Variants in NEK11 observed in about 807,000 individuals in gnomAD.
The protein encoded by NEK11 is serine/threonine-protein kinase Nek11.
In NEK11, 72 loss-of-function variants were observed where a neutral mutation model predicts 80.7. The ratio of observed to expected loss-of-function variants is 0.89; its 90% CI spans 0.74 to 1.08. The LOEUF is 1.08. NEK11 is among the 50% of genes least tolerant of loss of function. NEK11 has a pLI of 0.00. For synonymous variants in NEK11, 251 were observed against 260.7 expected, an observed-to-expected ratio of 0.96 and a Z score of 0.36; for missense variants, 764 against 763.6, an observed-to-expected ratio of 1.00 and a Z score of -0.01.
intron 12 of NEK11, 64 bp from the exon 13 acceptor site, chr3:131,168,766 C>G: frequency 8.4e-7 from 1 of 1,193,352 alleles, no homozygotes; most frequent in Non-Finnish European, 1.2e-6. Context: ...AGCAGCACTT[C>G]ACCTCTAGAT....
chr3:131,302,496 A>G (rs1221381036), intron 17 of NEK11, among the ~76,000 whole-genome samples: 1 of 152,146 alleles, frequency 6.6e-6, no homozygotes, highest in Non-Finnish European at 1.5e-5. Context: ...TAGCACTATA[A>G]ACTTTCCTCT....
intron 17 of NEK11, among the ~76,000 whole-genome samples, chr3:131,302,412 C>T (rs1287767619): frequency 6.6e-6 from 1 of 151,946 alleles, no homozygotes; most frequent in East Asian, 1.9e-4. Flanking sequence ...GTTGGTTTGC[C>T]TCTTGTTTTT....
At chr3:131,144,685 T>C (rs1339901641) in intron 7 of NEK11, among the ~76,000 whole-genome samples, 1 of 152,174 alleles carries the variant, frequency 6.6e-6, no homozygotes, top group African/African-American at 2.4e-5. Flanking sequence ...TACCTTTGAA[T>C]ATCTAGGTAG....
chr3:131,029,943 T>G lies in NEK11; in HGVS notation c.170+65T>G. 5 of 1,493,032 alleles carry G rather than the reference T, an allele frequency of 3.3e-6. No homozygotes were observed. In the South Asian group the frequency reaches 5.7e-5, roughly 17 times the overall value. 92.5% of individuals were successfully genotyped at this position (1,493,032 alleles called of 1,614,324 possible). On this transcript the variant is annotated intron_variant, in intron 3 of 17. Coordinates refer to ENST00000383366, the MANE Select transcript of NEK11 (RefSeq NM_024800.5). ...TTTTTGTTTGCAGGTCTTAGCTGAT[T>G]AGGAACATGGAGCAGGCCAGGTATG...
chr3:131,302,643 C>A (rs1233429878), intron 17 of NEK11, among the ~76,000 whole-genome samples: 2 of 152,144 alleles, frequency 1.3e-5, no homozygotes, highest in East Asian at 3.8e-4. Context: ...GTTTAATTTT[C>A]ATGCACTTAT....
intron 4 of NEK11, among the ~76,000 whole-genome samples, chr3:131,103,602 C>T (rs2078721908): frequency 6.6e-6 from 1 of 152,162 alleles, no homozygotes; most frequent in African/African-American, 2.4e-5. Flanking sequence ...ACTGCATTTA[C>T]TCCTGGGCCT....
rs1166227144 is a variant in NEK11, at chr3:131,154,947, C to A, written c.877-89C>A. ...GGCTCCCTGCCATGGTCAAAAGCAC[C>A]CCAAATCTGAAAAGATTCTTGGTAA... is the stretch of plus-strand genomic sequence containing the variant. On this transcript the variant is annotated intron_variant, in intron 9 of 17. Coordinates refer to ENST00000383366, the MANE Select transcript of NEK11 (RefSeq NM_024800.5). The A allele has an allele frequency of 7.6e-6, 6 of 791,202 alleles. No individual in the cohort carries two copies. In the African/African-American group the frequency reaches 8.6e-5, roughly 11 times the overall value. The allele number at this position is 791,202 out of a possible 1,614,324, so 49.0% of individuals were successfully genotyped here.
chr3:131,220,070 A>G (rs553193005), intron 14 of NEK11, among the ~76,000 whole-genome samples: 2 of 152,204 alleles, frequency 1.3e-5, no homozygotes, highest in Admixed American at 6.6e-5. Flanking sequence ...CAGAAGCAGC[A>G]GATGTCACCA....
chr3:131,050,536 C>G (rs953186106), intron 3 of NEK11, among the ~76,000 whole-genome samples: 2 of 152,144 alleles, frequency 1.3e-5, no homozygotes, highest in Admixed American at 6.5e-5. Flanking sequence ...AGGAGGTAGA[C>G]AAGGACATAA....
At chr3:131,096,687 T>C (rs1469161851) in intron 4 of NEK11, among the ~76,000 whole-genome samples, 1 of 152,102 alleles carries the variant, frequency 6.6e-6, no homozygotes, top group Non-Finnish European at 1.5e-5. Flanking sequence ...CTTGCCATTA[T>C]CTGTTGTTTT....
At chr3:131,220,174 T>A (rs776533631) in intron 14 of NEK11, among the ~76,000 whole-genome samples, 1 of 152,196 alleles carries the variant, frequency 6.6e-6, no homozygotes, top group Non-Finnish European at 1.5e-5. Context: ...AAAATGGAGC[T>A]TCTGGGGGAA....
At chr3:131,298,014 T>G (rs1003572722) in intron 17 of NEK11, among the ~76,000 whole-genome samples, 1 of 152,158 alleles carries the variant, frequency 6.6e-6, no homozygotes, top group African/African-American at 2.4e-5. Context: ...TTCTGTTCCA[T>G]TGATCTATAT....
chr3:131,260,561 T>C (rs2095898314), intron 16 of NEK11, among the ~76,000 whole-genome samples: 1 of 152,194 alleles, frequency 6.6e-6, no homozygotes, highest in African/African-American at 2.4e-5. Flanking sequence ...GCTATTTTCA[T>C]GCTACTGAAG....
At chr3:131,150,556 G>A (rs1191199315) in intron 7 of NEK11, among the ~76,000 whole-genome samples, 1 of 151,808 alleles carries the variant, frequency 6.6e-6, no homozygotes, top group African/African-American at 2.4e-5. Context: ...TGTTTGTATG[G>A]TTTTTCTATC....
chr3:131,094,199 G>A (rs1668328287), intron 4 of NEK11, among the ~76,000 whole-genome samples: 1 of 151,282 alleles, frequency 6.6e-6, no homozygotes, highest in Non-Finnish European at 1.5e-5. Flanking sequence ...GTCTTTCTCT[G>A]GTGTTGCTTC....
intron 3 of NEK11, among the ~76,000 whole-genome samples, chr3:131,078,873 C>CTT (rs769791475): frequency 6.5e-5 from 9 of 139,086 alleles, no homozygotes; most frequent in African/African-American, 1.6e-4. Flanking sequence ...ACTCCTTCAT[C>CTT]TTTTTTTTTT....
intron 14 of NEK11, among the ~76,000 whole-genome samples, chr3:131,186,578 T>C (rs1481344643): frequency 1.3e-5 from 2 of 152,194 alleles, no homozygotes; most frequent in African/African-American, 2.4e-5. Flanking sequence ...CAAAGTTCTT[T>C]CCTTAGAAGA....
In NEK11 at chr3:131,230,079, C is replaced by CA. The variant is rs568046333; in HGVS notation, c.1560+1395dup. Among the ~76,000 whole-genome samples the CA allele has an allele frequency of 2.2e-4, 34 of 152,132 alleles. 1 individual carries two copies. In the South Asian group the frequency reaches 6.6e-3, roughly 30 times the overall value. On this transcript the variant is annotated intron_variant, in intron 15 of 17. Transcript: ENST00000383366. ...AGCCTTCATTCTGGGCCTATGGTTG[C>CA]AAAACACATGATATGCAAAATACAT...
chr3:131,154,834 A>G (rs570812313), intron 9 of NEK11: 3 of 527,428 alleles, frequency 5.7e-6, no homozygotes, highest in Non-Finnish European at 1.0e-5. Flanking sequence ...CTGGAGAGAC[A>G]GGCAGGAGCC....
Sources: allele counts gnomAD v4.1 joint callset (sites outside exome capture counted in the v4.1 genomes callset), GRCh38; gene constraint gnomAD v4.1.1; transcripts MANE v1.5; gene names NCBI Gene and HGNC (gene_info 2026-07-23, HGNC 2026-07-21).